Variants in SLC18B1 observed in about 807,000 individuals in gnomAD.
SLC18B1 encodes the protein MFS-type transporter SLC18B1.
A neutral mutation model predicts 53.9 loss-of-function variants in SLC18B1; 62 were observed. The observed-to-expected ratio is 1.15, with a 90% CI of 0.94 to 1.42. The LOEUF (loss-of-function observed/expected upper bound fraction) is 1.42. SLC18B1 is among the 40% of genes most tolerant of loss of function. The pLI, the probability that SLC18B1 is intolerant of heterozygous loss-of-function variation, is 0.00. For missense variants in SLC18B1, 598 were observed against 547.3 expected (o/e 1.09, Z -0.93); for synonymous variants, 217 against 200.9 (o/e 1.08, Z -0.68).
intron 6 of SLC18B1, among the ~76,000 whole-genome samples, chr6:132,783,166 T>TA (rs397707346): frequency 2.6e-5 from 4 of 152,150 alleles, no homozygotes; most frequent in East Asian, 3.9e-4. Flanking sequence ...GATTTTTTTT[T>TA]AAATACCAGT....
At chr6:132,793,013 T>C (rs1477318333) in intron 2 of SLC18B1, among the ~76,000 whole-genome samples, 1 of 152,084 alleles carries the variant, frequency 6.6e-6, no homozygotes, top group African/African-American at 2.4e-5. Flanking sequence ...CCCAGCTACT[T>C]GGGAGACTGA....
At chr6:132,783,698 C>T (rs777015814) in intron 6 of SLC18B1, among the ~76,000 whole-genome samples, 2 of 152,114 alleles carry the variant, frequency 1.3e-5, no homozygotes, top group African/African-American at 4.8e-5. Context: ...ATAGACATAG[C>T]GTATGGTAAT....
At position 132,784,020 on chromosome 6, in the gene SLC18B1, A is replaced by G. The variant is rs774571722; in HGVS notation, c.571T>C (p.Ser191Pro). 6.2e-6 allele frequency: 10 copies of G among 1,611,170 alleles called. No individual in the cohort carries two copies. Among genetic ancestry groups the G allele is most frequent in the Non-Finnish European group, 8.5e-6 (10 of 1,178,762 alleles). The change falls in exon 6 of 14, where the codon TCC becomes CCC. Residue 191 changes from serine to proline, a missense_variant. Transcript: ENST00000275227. ...GPPVGGFLYQ[S>P]FGYEVPFIVL... The stretch of plus-strand genomic sequence containing the variant: ...ATAAAAGGCACTTCATAGCCAAAGG[A>G]TTGATACAAAAAGCCACCTACAGGA...
At chr6:132,796,450 C>T (rs1012053959) in intron 2 of SLC18B1, among the ~76,000 whole-genome samples, 1 of 146,812 alleles carries the variant, frequency 6.8e-6, no homozygotes, top group African/African-American at 2.5e-5. Flanking sequence ...CAATTGAACC[C>T]GGGAGGCAGA....
chr6:132,782,744 C>G (rs963944640), intron 6 of SLC18B1, among the ~76,000 whole-genome samples: 2 of 151,744 alleles, frequency 1.3e-5, no homozygotes, highest in African/African-American at 4.8e-5. Context: ...GATTTTCTAG[C>G]ATCTAGCTAT....
At chr6:132,792,291 G>GAAAGAAA (rs1562271470) in intron 2 of SLC18B1, among the ~76,000 whole-genome samples, 20 of 67,044 alleles carry the variant, frequency 3.0e-4, no homozygotes, top group African/African-American at 1.8e-3. Context: ...AAGGAAGAAA[G>GAAAGAAA]GAAGGAAGGA....
chr6:132,783,518 G>A (rs1026667695), intron 6 of SLC18B1, among the ~76,000 whole-genome samples: 1 of 152,152 alleles, frequency 6.6e-6, no homozygotes, highest in African/African-American at 2.4e-5. Flanking sequence ...GAGAACACCT[G>A]AATCTACGTC....
chr6:132,770,288 G>C lies in SLC18B1; in HGVS notation c.1353C>G (p.Leu451=). ...CATCGGACTAGGTTTCATTAGGCAAGAGAGTAGTTCGTTCCTCCTCTGTGC... is the reference window on the plus strand; with the variant it reads ...CATCGGACTAGGTTTCATTAGGCAACAGAGTAGTTCGTTCCTCCTCTGTGC... The part of the protein sequence containing the change: ...ILSTEEERTT[L]LPNET Residue 451 remains leucine (L), a synonymous_variant, in exon 14 of 14, where the codon CTC becomes CTG. Transcript: ENST00000275227. The C allele has an allele frequency of 1.2e-6, 2 of 1,613,746 alleles. No homozygotes were observed. Among genetic ancestry groups the C allele is most frequent in the Non-Finnish European group, 1.7e-6 (2 of 1,179,624 alleles).
intron 9 of SLC18B1, among the ~76,000 whole-genome samples, chr6:132,773,532 T>C (rs537268303): frequency 4.6e-5 from 7 of 152,368 alleles, no homozygotes; most frequent in African/African-American, 1.7e-4. Flanking sequence ...GAGGAGACTA[T>C]GCCAGTTACT....
intron 5 of SLC18B1, among the ~76,000 whole-genome samples, chr6:132,786,102 C>T (rs1395352442): frequency 1.3e-5 from 2 of 152,006 alleles, no homozygotes; most frequent in Non-Finnish European, 2.9e-5. Flanking sequence ...ACCATAAACC[C>T]TTATCTTAAT....
At chr6:132,788,815 T>A in intron 4 of SLC18B1, among the ~76,000 whole-genome samples, 2 of 119,998 alleles carry the variant, frequency 1.7e-5, no homozygotes, top group African/African-American at 7.1e-5. Flanking sequence ...AGAGTGAGAC[T>A]CCATCTCAAA....
intron 2 of SLC18B1, among the ~76,000 whole-genome samples, chr6:132,791,361 C>G (rs1459153012): frequency 1.3e-5 from 2 of 152,210 alleles, no homozygotes; most frequent in Non-Finnish European, 2.9e-5. Context: ...CATCCATTCT[C>G]TATAACCATG....
At chr6:132,770,757 T>G (rs769185080) in intron 13 of SLC18B1, 133 bp downstream of exon 13, 1 of 859,996 alleles carries the variant, frequency 1.2e-6, no homozygotes, top group Non-Finnish European at 1.8e-6. Flanking sequence ...ATTAAAAAAG[T>G]ATCTACCAAC....
Position 132,798,537 on chromosome 6 carries a change from C to T in SLC18B1, c.-81G>A. On this transcript the variant is annotated 5_prime_UTR_variant, in exon 1 of 14. The change creates a new upstream start codon in the 5' untranslated region. Coordinates refer to ENST00000275227, the MANE Select transcript of SLC18B1 (RefSeq NM_052831.3). ...CTCGACCTCCAAGGAGCCACTGGCA[C>T]TCTGGCGGGCGGCCGCTGCTCAGCT... The T allele has an allele frequency of 2.2e-6, 3 of 1,351,164 alleles. No homozygotes were observed. The highest frequency in any genetic ancestry group is 2.9e-6 in the Non-Finnish European group (3 of 1,035,178). The allele number at this position is 1,351,164 out of a possible 1,614,324, so 83.7% of individuals were successfully genotyped here.
intron 2 of SLC18B1, among the ~76,000 whole-genome samples, chr6:132,795,237 CT>C (rs1438300202): frequency 6.6e-6 from 1 of 151,602 alleles, no homozygotes; most frequent in Admixed American, 6.6e-5. Flanking sequence ...TTATTGGAAC[CT>C]TTTTTTTCCC....
intron 2 of SLC18B1, among the ~76,000 whole-genome samples, chr6:132,794,099 T>A (rs1279808616): frequency 7.0e-6 from 1 of 143,138 alleles, no homozygotes; most frequent in Non-Finnish European, 1.5e-5. Context: ...CTTATTATTT[T>A]TTTTTTAATT....
chr6:132,794,262 C>T (rs557433031), intron 2 of SLC18B1, among the ~76,000 whole-genome samples: 3 of 151,838 alleles, frequency 2.0e-5, no homozygotes, highest in Admixed American at 1.3e-4. Context: ...TGCCACCATG[C>T]CTGGCTAATT....
Position 132,770,162 on chromosome 6 carries a change from G to C in SLC18B1, c.*108C>G. On this transcript the variant is annotated 3_prime_UTR_variant, in exon 14 of 14. Coordinates refer to ENST00000275227, the MANE Select transcript of SLC18B1 (RefSeq NM_052831.3). ...GTTGACACTTCCAAGACACTGGCAC[G>C]GGGTCCACGGAGTTTTGCGCGTAAA... 2.4e-6 allele frequency: 2 copies of C among 849,850 alleles called. No individual in the cohort carries two copies. The highest frequency in any genetic ancestry group is 1.5e-5 in the South Asian group (1 of 67,314). The allele number at this position is 849,850 out of a possible 1,614,324, so 52.6% of individuals were successfully genotyped here.
chr6:132,776,500 TACC>T (rs775618165), intron 7 of SLC18B1, 71 bp from the exon 8 acceptor site: 12 of 1,103,062 alleles, frequency 1.1e-5, no homozygotes, highest in African/African-American at 6.8e-5. Context: ...CTTTTCCCTC[TACC>T]ATTTCTTTAG....
Sources: allele counts gnomAD v4.1 joint callset (sites outside exome capture counted in the v4.1 genomes callset), GRCh38; gene constraint gnomAD v4.1.1; transcripts MANE v1.5; gene names NCBI Gene and HGNC (gene_info 2026-07-23, HGNC 2026-07-21).